FGF14: variants seen among roughly 807,000 people sequenced by gnomAD.
The protein encoded by FGF14 is fibroblast growth factor homologous factor 4.
A neutral mutation model predicts 25.5 loss-of-function variants in FGF14; 5 were observed. The ratio of observed to expected loss-of-function variants is 0.20; its 90% CI spans 0.10 to 0.41. The LOEUF (loss-of-function observed/expected upper bound fraction) is 0.41, where lower values mean the gene tolerates loss of function less well. Ranked by LOEUF, FGF14 falls within the 10% of genes least tolerant of loss-of-function variation. The pLI is 1.00. For synonymous variants in FGF14, 138 were observed against 118.3 expected, an observed-to-expected ratio of 1.17 and a Z score of -1.08; for missense variants, 222 against 320.1, an observed-to-expected ratio of 0.69 and a Z score of 2.34.
chr13:102,342,601 T>A (rs199690261), intron 1 of FGF14, among the ~76,000 whole-genome samples: 1 of 152,130 alleles, frequency 6.6e-6, no homozygotes, highest in East Asian at 1.9e-4. Flanking sequence ...CTTTATATTA[T>A]TTCAGTAACT....
chr13:102,235,917 C>T (rs2051307860), intron 1 of FGF14, among the ~76,000 whole-genome samples: 1 of 152,172 alleles, frequency 6.6e-6, no homozygotes, highest in Non-Finnish European at 1.5e-5. Flanking sequence ...GTAACAGACC[C>T]AGCAAAAGTC....
At chr13:102,282,286 G>A (rs1420326053) in intron 1 of FGF14, among the ~76,000 whole-genome samples, 1 of 151,932 alleles carries the variant, frequency 6.6e-6, no homozygotes, top group African/African-American at 2.4e-5. Context: ...GGCTGGTCTC[G>A]AACTCCCAAC....
chr13:102,119,568 G>A (rs1200185548), intron 1 of FGF14, among the ~76,000 whole-genome samples: 1 of 152,200 alleles, frequency 6.6e-6, no homozygotes, highest in Non-Finnish European at 1.5e-5. Flanking sequence ...ATTCTTAGAG[G>A]TGAGGTAAAA....
intron 1 of FGF14, among the ~76,000 whole-genome samples, chr13:102,208,071 G>A (rs1267180648): frequency 6.6e-6 from 1 of 152,172 alleles, no homozygotes; most frequent in Non-Finnish European, 1.5e-5. Flanking sequence ...TCATTTCCAA[G>A]GTTAATATAG....
At position 101,713,824 on chromosome 13, in the gene FGF14, C is replaced by T. The variant is rs998703234; in HGVS notation, c.*9007G>A. On this transcript the variant is annotated 3_prime_UTR_variant, in exon 5 of 5. Transcript: ENST00000376143. ...AATCCAGAGCCTCATAAAATATGAA[C>T]TTTGGGAGTAATTTGAGCTATCCCA... The T allele has an allele frequency of 2.0e-5, 3 of 152,062 alleles. No individual in the cohort carries two copies. The highest frequency in any genetic ancestry group is 2.0e-4 in the Admixed American group (3 of 15,262). The allele number at this position is 152,062 out of a possible 1,614,324, so 9.4% of individuals were successfully genotyped here. A position where few individuals can be genotyped will look rare whatever the true frequency, so the allele number is the denominator to read the frequency against.
At chr13:101,786,917 C>T (rs941824571) in intron 3 of FGF14, among the ~76,000 whole-genome samples, 2 of 152,116 alleles carry the variant, frequency 1.3e-5, no homozygotes, top group African/African-American at 4.8e-5. Flanking sequence ...TGTCTCCACA[C>T]TGGATTTTCT....
chr13:101,822,942 T>A (rs531202726), intron 3 of FGF14, among the ~76,000 whole-genome samples: 6 of 152,114 alleles, frequency 3.9e-5, no homozygotes, highest in African/African-American at 1.2e-4. Context: ...CACATTAGAT[T>A]TTTTTTTAAG....
At position 101,712,990 on chromosome 13, in the gene FGF14, C is replaced by G. The variant is rs929674546; in HGVS notation, c.*9841G>C. Reference sequence around the variant, plus strand: ...TATATTTCCTCAAGAGCATGCAAATCAACCTGGACCCTCAGGAAAACAAGT... The same window carrying G: ...TATATTTCCTCAAGAGCATGCAAATGAACCTGGACCCTCAGGAAAACAAGT... On this transcript the variant is annotated 3_prime_UTR_variant, in exon 5 of 5. Transcript: ENST00000376143. The G allele has an allele frequency of 6.6e-6, 1 of 152,176 alleles. No homozygotes were observed. Among genetic ancestry groups the G allele is most frequent in the Non-Finnish European group, 1.5e-5 (1 of 68,026 alleles). The allele number at this position is 152,176 out of a possible 1,614,324, so 9.4% of individuals were successfully genotyped here.
At chr13:101,950,693 G>C (rs1303330526) in intron 1 of FGF14, among the ~76,000 whole-genome samples, 1 of 150,764 alleles carries the variant, frequency 6.6e-6, no homozygotes, top group Non-Finnish European at 1.5e-5. Flanking sequence ...AGCAGGTTTT[G>C]CATTTGAATG....
intron 1 of FGF14, among the ~76,000 whole-genome samples, chr13:101,976,104 AAT>A (rs1417738169): frequency 2.2e-5 from 3 of 135,532 alleles, no homozygotes; most frequent in Non-Finnish European, 3.2e-5. Flanking sequence ...AGAGTTATAC[AAT>A]ATGTCATTGA....
At chr13:102,332,333 T>G (rs1288363779) in intron 1 of FGF14, among the ~76,000 whole-genome samples, 1 of 152,262 alleles carries the variant, frequency 6.6e-6, no homozygotes, top group South Asian at 2.1e-4. Flanking sequence ...AGAAAATGCA[T>G]AAATGATGCA....
At chr13:102,078,928 G>C (rs567255948) in intron 1 of FGF14, among the ~76,000 whole-genome samples, 3 of 152,318 alleles carry the variant, frequency 2.0e-5, no homozygotes, top group Admixed American at 2.0e-4. Context: ...GCTAGAATCT[G>C]GGTAAGAAGT....
chr13:101,836,546 T>C (rs887346155), intron 3 of FGF14, among the ~76,000 whole-genome samples: 1 of 152,032 alleles, frequency 6.6e-6, no homozygotes, highest in Non-Finnish European at 1.5e-5. Flanking sequence ...AGAAGAAGAA[T>C]AATAAGGCTG....
At chr13:102,383,010 C>T (rs1459490791) in intron 1 of FGF14, among the ~76,000 whole-genome samples, 3 of 151,860 alleles carry the variant, frequency 2.0e-5, no homozygotes, top group Non-Finnish European at 4.4e-5. Context: ...TGAAAATATT[C>T]TAGAATTGGA....
In FGF14 at chr13:101,722,051, G is replaced by C. The variant is rs1264974969; in HGVS notation, c.*780C>G. 6.6e-6 allele frequency: 1 copy of C among 152,160 alleles called. No individual in the cohort carries two copies. Among genetic ancestry groups the C allele is most frequent in the African/African-American group, 2.4e-5 (1 of 41,324 alleles). The allele number at this position is 152,160 out of a possible 1,614,324, so 9.4% of individuals were successfully genotyped here. On this transcript the variant is annotated 3_prime_UTR_variant, in exon 5 of 5. Transcript: ENST00000376143. ...ACACACACACACAAAGAAACTAGAG[G>C]GGGATGTCAAACACATATCATAGAG... is the stretch of plus-strand genomic sequence containing the variant.
chr13:101,906,072 C>A (rs948206908), intron 1 of FGF14, among the ~76,000 whole-genome samples: 1 of 152,112 alleles, frequency 6.6e-6, no homozygotes, highest in Non-Finnish European at 1.5e-5. Flanking sequence ...GGTATGAAAC[C>A]AAGAAGACTG....
intron 3 of FGF14, among the ~76,000 whole-genome samples, chr13:101,808,419 CT>C (rs2041320621): frequency 6.6e-6 from 1 of 152,028 alleles, no homozygotes; most frequent in Admixed American, 6.6e-5. Flanking sequence ...TAATTTCAAT[CT>C]AATACAAATT....
intron 1 of FGF14, among the ~76,000 whole-genome samples, chr13:102,348,139 T>C (rs1002728887): frequency 6.6e-6 from 1 of 152,166 alleles, no homozygotes; most frequent in Non-Finnish European, 1.5e-5. Flanking sequence ...ATGTCCCCTG[T>C]AGAAAGATGA....
At chr13:102,064,192 G>T (rs904623085) in intron 1 of FGF14, among the ~76,000 whole-genome samples, 4 of 151,986 alleles carry the variant, frequency 2.6e-5, no homozygotes, top group Admixed American at 6.6e-5. Context: ...GTACCACCAG[G>T]CATAAAACTT....
Sources: allele counts gnomAD v4.1 joint callset (sites outside exome capture counted in the v4.1 genomes callset), GRCh38; gene constraint gnomAD v4.1.1; transcripts MANE v1.5; gene names NCBI Gene and HGNC (gene_info 2026-07-23, HGNC 2026-07-21).